PDZK1: variants seen among roughly 807,000 people sequenced by gnomAD.
PDZK1 encodes PDZ domain containing 1.
Under a neutral mutation model 38.1 loss-of-function variants are expected in PDZK1, and 23 were observed. The observed-to-expected ratio is 0.60, with a 90% CI of 0.43 to 0.85. The LOEUF is 0.85. Among genes scored for constraint, PDZK1 ranks in the 40% least tolerant of loss-of-function variants. The pLI, the probability that PDZK1 is intolerant of heterozygous loss-of-function variation, is 0.00. For missense variants in PDZK1, 297 were observed against 504.3 expected, an observed-to-expected ratio of 0.59 and a Z score of 3.94; for synonymous variants, 98 against 186.2, an observed-to-expected ratio of 0.53 and a Z score of 3.86.
chr1:145,705,508 A>G (rs1170227530), intron 1 of PDZK1, among the ~76,000 whole-genome samples: 4 of 152,166 alleles, frequency 2.6e-5, no homozygotes, highest in Non-Finnish European at 5.9e-5. Context: ...TCATACCCCA[A>G]TGACAAGGAG....
At chr1:145,694,195 A>G (rs1466342022) in intron 1 of PDZK1, among the ~76,000 whole-genome samples, 5 of 152,174 alleles carry the variant, frequency 3.3e-5, no homozygotes, top group African/African-American at 1.2e-4. Flanking sequence ...AAACACCTTA[A>G]AAGCTGAGGC....
chr1:145,685,511 G>A (rs1654671674), intron 3 of PDZK1, among the ~76,000 whole-genome samples: 1 of 151,896 alleles, frequency 6.6e-6, no homozygotes, highest in Admixed American at 6.6e-5. Flanking sequence ...AGCTTCCTTT[G>A]ACTATACACA....
At chr1:145,689,701 C>G (rs1655083597) in intron 1 of PDZK1, among the ~76,000 whole-genome samples, 1 of 152,174 alleles carries the variant, frequency 6.6e-6, no homozygotes, top group Admixed American at 6.5e-5. Context: ...CAGTTCCCTA[C>G]CTACAAATCA....
At chr1:145,673,366 GCAAA>G (rs1653288179) in intron 7 of PDZK1, among the ~76,000 whole-genome samples, 1 of 151,646 alleles carries the variant, frequency 6.6e-6, no homozygotes, top group South Asian at 2.1e-4. Flanking sequence ...ATGCACAGAA[GCAAA>G]CAAATATGAC....
chr1:145,671,448 A>C lies in PDZK1; in HGVS notation c.1548T>G (p.Asp516Glu). The C allele has an allele frequency of 5.1e-6, 8 of 1,574,054 alleles. No homozygotes were observed. The highest frequency in any genetic ancestry group is 6.1e-6 in the Non-Finnish European group (7 of 1,149,292). Residue 516 changes from aspartate (D) to glutamate (E), a missense_variant, in exon 9 of 9, where the codon GAT (aspartate) becomes GAG (glutamate). Physicochemically the swap from Asp to Glu is conservative, Grantham distance 45. Around this residue, in one of 5 missense-constraint regions of PDZK1, gnomAD observed 54 missense variants for 72.1 expected, o/e 0.75. Coordinates refer to ENST00000417171, the MANE Select transcript of PDZK1 (RefSeq NM_001201325.2). The part of the protein sequence containing the change: ...TASHSSSNSE[D>E]TEM Reference sequence around the variant, plus strand: ...TTACTTGTTTTCATCACATCTCTGTATCTTCAGAATTGGAAGAAGAATGTG... The same window carrying C: ...TTACTTGTTTTCATCACATCTCTGTCTCTTCAGAATTGGAAGAAGAATGTG...
chr1:145,687,924 T>G lies in PDZK1; in HGVS notation c.98A>C (p.His33Pro), dbSNP rs782603971. The G allele has an allele frequency of 1.9e-6, 3 of 1,613,094 alleles. No homozygotes were observed. Among genetic ancestry groups the G allele is most frequent in the Non-Finnish European group, 2.5e-6 (3 of 1,179,654 alleles). Residue 33 changes from histidine to proline, a missense_variant, in exon 2 of 9, where the codon CAC (histidine) becomes CCC (proline). Around this residue, in one of 5 missense-constraint regions of PDZK1, gnomAD observed 159 missense variants for 200.0 expected, o/e 0.79. Transcript: ENST00000417171. ...FLRIEKDTEG[H>P]LVRVVEKCSP... ...ACACTTCTCAACCACCCGGACCAGGTGGCCCTCGGTGTCCTTCTCAATTCG... is the reference window on the plus strand; with the variant it reads ...ACACTTCTCAACCACCCGGACCAGGGGGCCCTCGGTGTCCTTCTCAATTCG...
chr1:145,698,365 TAAAAG>T (rs1213847342), intron 1 of PDZK1, among the ~76,000 whole-genome samples: 1 of 152,012 alleles, frequency 6.6e-6, no homozygotes, highest in African/African-American at 2.4e-5. Flanking sequence ...ATTTCAAACT[TAAAAG>T]AAATTCTATG....
chr1:145,676,501 C>T (rs1653682768), intron 6 of PDZK1, among the ~76,000 whole-genome samples: 3 of 150,912 alleles, frequency 2.0e-5, no homozygotes, highest in Admixed American at 1.3e-4. Context: ...TTTGGGAGGC[C>T]GAGGCGGGCG....
At chr1:145,698,949 AAAT>A (rs1244732967) in intron 1 of PDZK1, among the ~76,000 whole-genome samples, 3 of 151,732 alleles carry the variant, frequency 2.0e-5, no homozygotes, top group African/African-American at 7.3e-5. Context: ...AAAAAATAAA[AAAT>A]AAAGGCCAGG....
In PDZK1 at chr1:145,687,891, G is replaced by T. The variant is rs1553702214; in HGVS notation, c.131C>A (p.Ala44Glu). The T allele has an allele frequency of 1.9e-6, 3 of 1,613,718 alleles. No homozygotes were observed. Among genetic ancestry groups the T allele is most frequent in the Non-Finnish European group, 2.5e-6 (3 of 1,179,870 alleles). ...LVRVVEKCSP[A>E]EKAGLQDGDR... is the part of the protein sequence containing the mutation. Reference sequence around the variant, plus strand: ...TCCATCTTGAAGGCCAGCCTTCTCTGCTGGGCTACACTTCTCAACCACCCG... The same window carrying T: ...TCCATCTTGAAGGCCAGCCTTCTCTTCTGGGCTACACTTCTCAACCACCCG... Residue 44 changes from alanine (A) to glutamate (E), a missense_variant, in exon 2 of 9, where the codon GCA (alanine) becomes GAA (glutamate). Ala to Glu is a moderately radical substitution (Grantham distance 107). Coordinates refer to ENST00000417171, the MANE Select transcript of PDZK1 (RefSeq NM_001201325.2).
intron 1 of PDZK1, among the ~76,000 whole-genome samples, chr1:145,697,763 ATTTTTTTTTTTTT>A (rs10564713): frequency 1.3e-4 from 6 of 44,940 alleles, no homozygotes; most frequent in African/African-American, 3.0e-4. Flanking sequence ...TGCCCAGCTA[ATTTTTTTTTTTTT>A]TTTTTTTTTT....
chr1:145,697,342 A>G (rs977154254), intron 1 of PDZK1, among the ~76,000 whole-genome samples: 4 of 152,030 alleles, frequency 2.6e-5, no homozygotes, highest in African/African-American at 9.7e-5. Context: ...GGAAGGAAGG[A>G]AGGAAGGGAA....
intron 1 of PDZK1, among the ~76,000 whole-genome samples, chr1:145,703,689 T>A (rs762630859): frequency 5.8e-4 from 88 of 152,028 alleles, no homozygotes; most frequent in Non-Finnish European, 1.1e-3. Context: ...ATTCCCAGAA[T>A]GGTGAATGGT....
chr1:145,679,191 T>A (rs1419948697), intron 5 of PDZK1, among the ~76,000 whole-genome samples: 35 of 151,560 alleles, frequency 2.3e-4, no homozygotes, highest in African/African-American at 8.0e-4. Flanking sequence ...TTTAACAAGT[T>A]CCTGTTTCAC....
intron 3 of PDZK1, among the ~76,000 whole-genome samples, chr1:145,683,326 C>G (rs1654441098): frequency 6.6e-6 from 1 of 152,170 alleles, no homozygotes; most frequent in Non-Finnish European, 1.5e-5. Context: ...TGGCCTTGGC[C>G]CCTTGAACCA....
At chr1:145,691,940 G>C (rs1483292648) in intron 1 of PDZK1, 1 of 152,000 alleles carries the variant, frequency 6.6e-6, no homozygotes, top group Non-Finnish European at 1.5e-5. Context: ...TGGCAGACAG[G>C]AACCGCTCGG....
At chr1:145,705,769 T>A in intron 1 of PDZK1, among the ~76,000 whole-genome samples, 1 of 152,208 alleles carries the variant, frequency 6.6e-6, no homozygotes, top group South Asian at 2.1e-4. Flanking sequence ...TTTTGTTTTT[T>A]AGACAGGATC....
chr1:145,695,127 A>T (rs1655554126), intron 1 of PDZK1, among the ~76,000 whole-genome samples: 1 of 151,906 alleles, frequency 6.6e-6, no homozygotes, highest in African/African-American at 2.4e-5. Context: ...TGAAAGTGGG[A>T]AAGTTTGCCA....
In PDZK1 at chr1:145,671,104, C is replaced by T. The variant is rs2101857126; in HGVS notation, c.*332G>A. 1 of 329,000 alleles carries T rather than the reference C, an allele frequency of 3.0e-6. No homozygotes were observed. Among genetic ancestry groups the T allele is most frequent in the Admixed American group, 4.6e-5 (1 of 21,812 alleles). The allele number at this position is 329,000 out of a possible 1,614,324, so 20.4% of individuals were successfully genotyped here. On this transcript the variant is annotated 3_prime_UTR_variant, in exon 9 of 9. Transcript: ENST00000417171. The stretch of plus-strand genomic sequence containing the variant: ...CTGTCACCTATACAGAGTTATGAAT[C>T]ATCTTTGGTGCTCAAGGAACCTGTA...
Sources: gnomAD v4.1 joint callset for allele counts (sites outside exome capture counted in the v4.1 genomes callset) on GRCh38, gnomAD v4.1.1 for gene constraint, gnomAD v4.1.1 regional missense constraint, MANE v1.5 for transcripts, NCBI Gene and HGNC (gene_info 2026-07-23, HGNC 2026-07-21) for gene names.